SLC6A12: variants seen among roughly 807,000 people sequenced by gnomAD.
SLC6A12 encodes solute carrier family 6 member 12.
Under a neutral mutation model 73.3 loss-of-function variants are expected in SLC6A12, and 50 were observed. The observed-to-expected ratio is 0.68, with a 90% CI of 0.54 to 0.86. SLC6A12 has a LOEUF of 0.86. Among genes scored for constraint, SLC6A12 ranks in the 40% least tolerant of loss-of-function variants. SLC6A12 has a pLI of 0.00. For missense variants in SLC6A12, 648 were observed against 772.8 expected (o/e 0.84, Z 1.92); for synonymous variants, 304 against 309.2 (o/e 0.98, Z 0.18).
chr12:188,514 G>T (rs1015283941), downstream of SLC6A12, among the ~76,000 whole-genome samples: 2 of 152,224 alleles, frequency 1.3e-5, no homozygotes, highest in Admixed American at 6.5e-5. Context: ...AGCCCAGAAA[G>T]GGGCTCCCAC....
At chr12:195,975 G>T in intron 12 of SLC6A12, 149 bp downstream of exon 12, 1 of 678,148 alleles carries the variant, frequency 1.5e-6, no homozygotes, top group Non-Finnish European at 2.5e-6. Context: ...ATGTTGTGTG[G>T]TCCCTACAAC....
chr12:199,863 T>C (rs1395749500), intron 7 of SLC6A12: 1 of 152,142 alleles, frequency 6.6e-6, no homozygotes, highest in Non-Finnish European at 1.5e-5. Context: ...GACAGTTCTG[T>C]TTGCTAATTC....
Position 200,793 on chromosome 12 carries a change from TG to T in SLC6A12, c.579-11del. 1 of 1,611,654 alleles carries T rather than the reference TG, an allele frequency of 6.2e-7. No individual in the cohort carries two copies. Among genetic ancestry groups the T allele is most frequent in the Non-Finnish European group, 8.5e-7 (1 of 1,179,288 alleles). ...GCCCAGAACTCGTCTCCTGGAGGAT[TG>T]GGAAAAATAAGTAATGAGGGGAAAG... is the stretch of plus-strand genomic sequence containing the variant. On this transcript the variant is annotated splice_polypyrimidine_tract_variant and intron_variant, in intron 6 of 15. Coordinates refer to ENST00000684302, the MANE Select transcript of SLC6A12 (RefSeq NM_001122848.3).
intron 13 of SLC6A12, 58 bp downstream of exon 13, chr12:195,167 G>T: frequency 1.8e-6 from 2 of 1,123,446 alleles, no homozygotes; most frequent in South Asian, 2.5e-5. Flanking sequence ...GCCTGCCCCT[G>T]GCTGGCTAGA....
downstream of SLC6A12, among the ~76,000 whole-genome samples, chr12:188,329 C>T (rs1029858389): frequency 7.9e-5 from 12 of 152,158 alleles, no homozygotes; most frequent in African/African-American, 2.9e-4. Context: ...TGCTAAGCCC[C>T]TCACTGCCCC....
rs767745827 is a variant in SLC6A12 at position 201,813 on chromosome 12, C to G, written c.527G>C (p.Gly176Ala). 1 of 1,613,980 alleles carries G rather than the reference C, an allele frequency of 6.2e-7. No homozygotes were observed. The highest frequency in any genetic ancestry group is 8.5e-7 in the Non-Finnish European group (1 of 1,179,984). The change falls in exon 6 of 16, where the codon GGC (glycine) becomes GCC (alanine). Residue 176 changes from glycine to alanine, a missense_variant. Transcript: ENST00000684302. ...CTDFLNHSGAGTVTPFENFTS... is the reference protein window; with the variant it reads ...CTDFLNHSGAATVTPFENFTS... ...AAAATTCTCAAATGGGGTCACTGTG[C>G]CGGCTCCTGAGTGGTTCAGAAAGTC... is the stretch of plus-strand genomic sequence containing the variant.
At position 198,052 on chromosome 12, in the gene SLC6A12, G is replaced by T; in HGVS notation, c.847-49C>A. ...GTAGAGGCAGCCCCCAGGGCCCAGA[G>T]CCAGGGTGACCCGAGATCCAGACCC... On this transcript the variant is annotated intron_variant, in intron 8 of 15. Coordinates refer to ENST00000684302, the MANE Select transcript of SLC6A12 (RefSeq NM_001122848.3). The surrounding 1 kb of genome is among the most constrained non-coding windows in gnomAD (Gnocchi z 4.0). 6.6e-7 allele frequency: 1 copy of T among 1,518,136 alleles called. No homozygotes were observed. Among genetic ancestry groups the T allele is most frequent in the Non-Finnish European group, 9.1e-7 (1 of 1,094,074 alleles). 94.0% of individuals were successfully genotyped at this position (1,518,136 alleles called of 1,614,324 possible). A position where few individuals can be genotyped will look rare whatever the true frequency, so the allele number is the denominator to read the frequency against.
At chr12:195,857 C>T (rs1181273652) in intron 12 of SLC6A12, among the ~76,000 whole-genome samples, 6 of 152,134 alleles carry the variant, frequency 3.9e-5, no homozygotes, top group South Asian at 4.2e-4. Flanking sequence ...CCAACCACAC[C>T]GAAACCCAGA....
intron 3 of SLC6A12, among the ~76,000 whole-genome samples, chr12:207,316 T>G (rs1940699989): frequency 6.6e-6 from 1 of 152,244 alleles, no homozygotes; most frequent in African/African-American, 2.4e-5. Context: ...AGCCTGGGGT[T>G]GGTGTCAACA....
At chr12:184,250 A>G in the SLC6A12 span, among the ~76,000 whole-genome samples, 1 of 152,164 alleles carries the variant, frequency 6.6e-6, no homozygotes, top group African/African-American at 2.4e-5. Flanking sequence ...ATAAAATTCA[A>G]CCCTTACTGT....
intron 5 of SLC6A12, among the ~76,000 whole-genome samples, chr12:202,252 C>G (rs1181653278): frequency 1.3e-5 from 2 of 152,188 alleles, no homozygotes; most frequent in Non-Finnish European, 2.9e-5. Context: ...TGGGCTCTCT[C>G]TCACTTCAGG....
At chr12:186,807 A>G (rs1565460927), downstream of SLC6A12, among the ~76,000 whole-genome samples, 1 of 152,166 alleles carries the variant, frequency 6.6e-6, no homozygotes, top group Non-Finnish European at 1.5e-5. Flanking sequence ...CAGGTGGGAG[A>G]GAGACTTGAC....
chr12:212,852 C>T (rs1940960265), intron 1 of SLC6A12, among the ~76,000 whole-genome samples: 1 of 152,148 alleles, frequency 6.6e-6, no homozygotes, highest in Admixed American at 6.5e-5. Context: ...CCCCTCGAGT[C>T]TCCTCCAAGG....
At chr12:209,732 A>T (rs1490182946) in intron 3 of SLC6A12, 41 bp downstream of exon 3, 1 of 1,611,492 alleles carries the variant, frequency 6.2e-7, no homozygotes. Flanking sequence ...AGCTGCCAGC[A>T]CACAGCTCTC....
intron 3 of SLC6A12, 185 bp from the exon 4 acceptor site, chr12:204,883 A>G: frequency 1.6e-6 from 1 of 626,730 alleles, no homozygotes; most frequent in Non-Finnish European, 2.8e-6. Flanking sequence ...CACAGGTGGG[A>G]ATGTTCTGAT....
chr12:197,999 C>T lies in SLC6A12; in HGVS notation c.851G>A (p.Trp284Ter). ...GAAGATCTGGGTGCCCGCATCCATC[C>T]ACACCTACACAAAACCCCAAGAAAG... ...DLFRLKDPQV[W>*]MDAGTQIFFS... Residue 284 changes from tryptophan (W) to a stop codon, truncating the protein, a stop_gained, in exon 9 of 16, where the codon TGG (tryptophan) becomes TAG (stop). Coordinates refer to ENST00000684302, the MANE Select transcript of SLC6A12 (RefSeq NM_001122848.3). LOFTEE classifies it high-confidence loss of function. 6.2e-7 allele frequency: 1 copy of T among 1,613,552 alleles called. No homozygotes were observed.
chr12:187,317 G>A (rs150618418), downstream of SLC6A12, among the ~76,000 whole-genome samples: 136 of 152,156 alleles, frequency 8.9e-4, no homozygotes, highest in African/African-American at 3.0e-3. Flanking sequence ...CGGCGTGTCC[G>A]GAGTTTGTTC....
At chr12:186,806 G>A (rs1056246061), downstream of SLC6A12, among the ~76,000 whole-genome samples, 23 of 150,460 alleles carry the variant, frequency 1.5e-4, no homozygotes, top group Admixed American at 1.6e-3. Flanking sequence ...CCAGGTGGGA[G>A]AGAGACTTGA....
At chr12:202,563 G>A (rs886092598) in intron 5 of SLC6A12, among the ~76,000 whole-genome samples, 177 bp downstream of exon 5, 11 of 152,214 alleles carry the variant, frequency 7.2e-5, no homozygotes, top group Admixed American at 3.9e-4. Context: ...TGACTCGTCC[G>A]AGTGGCTGGC....
Sources: allele counts gnomAD v4.1 joint callset (sites outside exome capture counted in the v4.1 genomes callset), GRCh38; gene constraint gnomAD v4.1.1; non-coding constraint Gnocchi (gnomAD v3.1); transcripts MANE v1.5; gene names NCBI Gene and HGNC (gene_info 2026-07-23, HGNC 2026-07-21).